The following RBFOX3 variants were observed in gnomAD, a reference collection of about 807,000 sequenced individuals.
The protein encoded by RBFOX3 is RNA binding fox-1 homolog 3.
RBFOX3 carries 17 observed loss-of-function variants against 48.7 expected under a neutral mutation model. The observed-to-expected ratio is 0.35, with a 90% CI of 0.24 to 0.52. The LOEUF (loss-of-function observed/expected upper bound fraction) is 0.52, where lower values mean the gene tolerates loss of function less well. Among genes scored for constraint, RBFOX3 ranks in the 20% least tolerant of loss-of-function variants. The probability of loss-of-function intolerance (pLI) is 0.94; values close to 1 mark genes in which losing one functional copy is unlikely to be tolerated. For synonymous variants in RBFOX3, 212 were observed against 209.5 expected (o/e 1.01, Z -0.10); for missense variants, 382 against 497.5 (o/e 0.77, Z 2.21).
At chr17:79,313,728 C>T (rs1568024221) in intron 2 of RBFOX3, among the ~76,000 whole-genome samples, 1 of 152,200 alleles carries the variant, frequency 6.6e-6, no homozygotes. Context: ...GCTGTGGCTT[C>T]AGCCCCGACC....
At chr17:79,122,687 G>A (rs1359488106) in intron 4 of RBFOX3, among the ~76,000 whole-genome samples, 1 of 142,368 alleles carries the variant, frequency 7.0e-6, no homozygotes, top group African/African-American at 2.6e-5. Flanking sequence ...GTAGGATCCA[G>A]CAATCCCACC....
rs2078713498 is a variant in RBFOX3 at position 79,481,115 on chromosome 17, T to C, written c.-175+1339A>G. ...CCTGGAGAAGCACCCAGACTGTGCATAGAGACTTCCAATTCTGCAAACTCT... is the reference window on the plus strand; with the variant it reads ...CCTGGAGAAGCACCCAGACTGTGCACAGAGACTTCCAATTCTGCAAACTCT... On this transcript the variant is annotated intron_variant, in intron 2 of 14. Transcript: ENST00000693108. The surrounding 1 kb of genome is among the most constrained non-coding windows in gnomAD (Gnocchi z 5.4). Among the ~76,000 whole-genome samples the C allele has an allele frequency of 6.6e-6, 1 of 152,210 alleles. No homozygotes were observed. Among genetic ancestry groups the C allele is most frequent in the Admixed American group, 6.5e-5 (1 of 15,276 alleles).
intron 4 of RBFOX3, among the ~76,000 whole-genome samples, chr17:79,180,721 A>G: frequency 6.6e-6 from 1 of 152,046 alleles, no homozygotes; most frequent in Non-Finnish European, 1.5e-5. Flanking sequence ...ACCTAAAAAC[A>G]TACACCCACA....
intron 4 of RBFOX3, among the ~76,000 whole-genome samples, chr17:79,131,726 G>T (rs1205499841): frequency 1.3e-5 from 2 of 152,190 alleles, no homozygotes; most frequent in Non-Finnish European, 2.9e-5. Context: ...ATATTGAGGG[G>T]TTCAAGGCAC....
chr17:79,438,738 C>T (rs1325612161), intron 2 of RBFOX3, among the ~76,000 whole-genome samples: 3 of 152,248 alleles, frequency 2.0e-5, no homozygotes, highest in Non-Finnish European at 4.4e-5. Context: ...AGGGCACTCA[C>T]CTGCTTTGCT....
chr17:79,159,430 G>C (rs1045163556), intron 4 of RBFOX3, among the ~76,000 whole-genome samples: 3 of 152,190 alleles, frequency 2.0e-5, no homozygotes, highest in African/African-American at 7.2e-5. Context: ...AGCCGCACAG[G>C]AAAGCCATCC....
chr17:79,384,609 G>A (rs1396327637), intron 2 of RBFOX3, among the ~76,000 whole-genome samples: 1 of 152,112 alleles, frequency 6.6e-6, no homozygotes, highest in Non-Finnish European at 1.5e-5. Context: ...CCCTCCTCAG[G>A]CCCACCCAGG....
intron 1 of RBFOX3, among the ~76,000 whole-genome samples, chr17:79,550,418 G>C (rs1316957211): frequency 6.6e-6 from 1 of 151,134 alleles, no homozygotes; most frequent in Non-Finnish European, 1.5e-5. Flanking sequence ...AGAAAGTCCA[G>C]ATGCAGGTCC....
At chr17:79,307,662 C>G (rs2076278127) in intron 3 of RBFOX3, 62 bp downstream of exon 3, 1 of 153,796 alleles carries the variant, frequency 6.5e-6, no homozygotes, top group Non-Finnish European at 1.5e-5. Flanking sequence ...CTGGGAGAAG[C>G]CCCCATCTGA....
intron 3 of RBFOX3, among the ~76,000 whole-genome samples, chr17:79,292,948 G>T (rs1011465094): frequency 2.6e-5 from 4 of 152,130 alleles, no homozygotes; most frequent in African/African-American, 9.7e-5. Flanking sequence ...TTGGTTTTAT[G>T]GGGTTTTTAT....
At chr17:79,182,781 G>A (rs1457575007) in intron 4 of RBFOX3, among the ~76,000 whole-genome samples, 1 of 146,466 alleles carries the variant, frequency 6.8e-6, no homozygotes, top group African/African-American at 2.6e-5. Flanking sequence ...CCGCCTCCCC[G>A]GAGGCCCGGC....
chr17:79,127,580 G>C (rs1212775066), intron 4 of RBFOX3, among the ~76,000 whole-genome samples: 1 of 152,324 alleles, frequency 6.6e-6, no homozygotes, highest in African/African-American at 2.4e-5. Flanking sequence ...TGAAGATTAA[G>C]CTGGAAAACA....
intron 3 of RBFOX3, among the ~76,000 whole-genome samples, chr17:79,281,113 G>A (rs778264871): frequency 1.2e-4 from 19 of 152,356 alleles, no homozygotes; most frequent in Non-Finnish European, 2.2e-4. Flanking sequence ...GCCTTGGCAC[G>A]GACCAGCTAT....
intron 2 of RBFOX3, among the ~76,000 whole-genome samples, chr17:79,382,840 C>A (rs1188331115): frequency 1.3e-5 from 2 of 152,182 alleles, no homozygotes; most frequent in East Asian, 3.9e-4. Context: ...CTGGTGGATG[C>A]CATCAGGGGA....
In RBFOX3 at chr17:79,243,185, G is replaced by T. The variant is rs2062644983; in HGVS notation, c.-73-7380C>A. Among the ~76,000 whole-genome samples, 1 of 74,640 alleles carries T rather than the reference G, an allele frequency of 1.3e-5. No homozygotes were observed. The highest frequency in any genetic ancestry group is 2.9e-5 in the Non-Finnish European group (1 of 35,042). 49.0% of individuals were successfully genotyped at this position (74,640 alleles called of 152,430 possible). On this transcript the variant is annotated intron_variant, in intron 3 of 14. Coordinates refer to ENST00000693108, the MANE Select transcript of RBFOX3 (RefSeq NM_001350451.2). This position sits in a 1 kb window ranked among gnomAD's most constrained non-coding sequence, Gnocchi z 7.9. ...GCCCTAAATGCCACAGCTGGTAGCG[G>T]TTGCAGCTGAGTTTGCGCGAGACCC... is the stretch of plus-strand genomic sequence containing the variant.
chr17:79,182,752 G>A (rs941828339), intron 4 of RBFOX3, among the ~76,000 whole-genome samples: 4 of 150,102 alleles, frequency 2.7e-5, no homozygotes, highest in East Asian at 2.0e-4. Flanking sequence ...TCCCTCGCCA[G>A]GCGGGTGGCC....
At chr17:79,102,192 G>GGCC (rs1174014407) in intron 8 of RBFOX3, among the ~76,000 whole-genome samples, 3 of 152,226 alleles carry the variant, frequency 2.0e-5, no homozygotes, top group Non-Finnish European at 4.4e-5. Context: ...TGGGCACGAA[G>GGCC]TCACCTATTT....
At chr17:79,485,932 A>G (rs920892385) in intron 1 of RBFOX3, among the ~76,000 whole-genome samples, 110 of 152,324 alleles carry the variant, frequency 7.2e-4, no homozygotes, top group African/African-American at 2.6e-3. Context: ...TTGTAATGGC[A>G]TGTTTTTCCC....
At chr17:79,533,677 C>G (rs1229442653) in intron 1 of RBFOX3, among the ~76,000 whole-genome samples, 1 of 152,246 alleles carries the variant, frequency 6.6e-6, no homozygotes, top group African/African-American at 2.4e-5. Flanking sequence ...AGGGGCTGGT[C>G]ATGGGTGCTT....
Sources: gnomAD v4.1 joint callset for allele counts (sites outside exome capture counted in the v4.1 genomes callset) on GRCh38, gnomAD v4.1.1 for gene constraint, Gnocchi (gnomAD v3.1) non-coding constraint, MANE v1.5 for transcripts, NCBI Gene and HGNC (gene_info 2026-07-23, HGNC 2026-07-21) for gene names.